The following PLCG2 variants were observed in gnomAD, a reference collection of about 807,000 sequenced individuals.
PLCG2 encodes phospholipase C gamma 2, also known as 1-phosphatidylinositol 4,5-bisphosphate phosphodiesterase gamma-2.
Under a neutral mutation model 175.6 loss-of-function variants are expected in PLCG2, and 69 were observed. The observed-to-expected ratio is 0.39, with a 90% CI of 0.32 to 0.48. The LOEUF is 0.48. PLCG2 is among the 20% of genes least tolerant of loss of function. The probability of loss-of-function intolerance (pLI) is 0.91; values close to 1 mark genes in which losing one functional copy is unlikely to be tolerated. For missense variants in PLCG2, 1,798 were observed against 1,650.9 expected, an observed-to-expected ratio of 1.09 and a Z score of -1.54; for synonymous variants, 827 against 624.0, an observed-to-expected ratio of 1.33 and a Z score of -4.85.
At chr16:81,905,596 T>G in intron 15 of PLCG2, 89 bp downstream of exon 15, 1 of 768,172 alleles carries the variant, frequency 1.3e-6, no homozygotes, top group Admixed American at 2.4e-5. Context: ...AGAATACGCC[T>G]GTCTTGTTCC....
At chr16:81,841,410 T>G (rs1393893630) in intron 2 of PLCG2, among the ~76,000 whole-genome samples, 1 of 151,992 alleles carries the variant, frequency 6.6e-6, no homozygotes, top group Non-Finnish European at 1.5e-5. Context: ...CCAGCTAATT[T>G]TTGTATTTTT....
rs112743678 is a variant in PLCG2 at position 81,960,128 on chromosome 16, C to T, written c.*2130C>T. 3,006 of 219,304 alleles carry T rather than the reference C, an allele frequency of 0.014. 103 individuals carry two copies. The highest frequency in any genetic ancestry group is 0.062 in the African/African-American group (2,755 of 44,546). 13.6% of individuals were successfully genotyped at this position (219,304 alleles called of 1,614,324 possible). On this transcript the variant is annotated 3_prime_UTR_variant, in exon 33 of 33. Coordinates refer to ENST00000564138, the MANE Select transcript of PLCG2 (RefSeq NM_002661.5). ...TGTCTCCTTCTCCTGGTGCTACAAC[C>T]GGAATCCACCATGAGAGAGTACTTT...
At chr16:81,865,475 A>T (rs1021078660) in intron 5 of PLCG2, among the ~76,000 whole-genome samples, 1 of 152,136 alleles carries the variant, frequency 6.6e-6, no homozygotes, top group African/African-American at 2.4e-5. Context: ...TTGTAAGGGG[A>T]GGCCTTTGGA....
chr16:81,876,030 TTTTTTTTG>T (rs1362758536), intron 7 of PLCG2, among the ~76,000 whole-genome samples: 36 of 143,576 alleles, frequency 2.5e-4, no homozygotes, highest in Admixed American at 9.0e-4. Flanking sequence ...TTTTTTTTTT[TTTTTTTTG>T]TTTTTGAGAC....
intron 7 of PLCG2, among the ~76,000 whole-genome samples, chr16:81,877,348 T>C (rs974231268): frequency 4.8e-4 from 73 of 152,120 alleles, no homozygotes; most frequent in Non-Finnish European, 2.6e-4. Context: ...CCCAGCTACT[T>C]GGGAGGCTGA....
intron 2 of PLCG2, among the ~76,000 whole-genome samples, chr16:81,804,046 G>A (rs1911882275): frequency 6.6e-6 from 1 of 152,172 alleles, no homozygotes; most frequent in East Asian, 1.9e-4. Flanking sequence ...GTGAACACAT[G>A]TTTCCATTTC....
chr16:81,907,787 C>A lies in PLCG2; in HGVS notation c.1557+13C>A. The A allele has an allele frequency of 6.2e-7, 1 of 1,600,794 alleles. No individual in the cohort carries two copies. Among genetic ancestry groups the A allele is most frequent in the Non-Finnish European group, 8.6e-7 (1 of 1,169,202 alleles). On this transcript the variant is annotated intron_variant, in intron 16 of 32. Coordinates refer to ENST00000564138, the MANE Select transcript of PLCG2 (RefSeq NM_002661.5). ...GGAAGTGCCCCAGGTAGGGGGACAC[C>A]CTAGCCACATAGGGAGGAGGTCCCC...
intron 2 of PLCG2, among the ~76,000 whole-genome samples, chr16:81,849,907 A>G (rs543229412): frequency 3.3e-5 from 5 of 152,362 alleles, no homozygotes; most frequent in South Asian, 2.1e-4. Flanking sequence ...CTGGCAGTCA[A>G]CTGGGTGGGT....
chr16:81,750,318 G>A (rs1296570601), intron 1 of PLCG2, among the ~76,000 whole-genome samples: 1 of 150,902 alleles, frequency 6.6e-6, no homozygotes, highest in Admixed American at 6.7e-5. Flanking sequence ...TACTCAGGAG[G>A]TTGAGACAGA....
rs11548656 is a variant in PLCG2, at chr16:81,883,307, A to G, written c.731A>G (p.His244Arg). ...CCGGATGCCTCTGCTGTTTACCTGC[A>G]TGACTTCCAGAGGTTTCTCATACAT... Reference protein sequence around the residue: ...DRPDASAVYLHDFQRFLIHEQ... With the variant: ...DRPDASAVYLRDFQRFLIHEQ... Residue 244 changes from histidine to arginine, a missense_variant, in exon 9 of 33, where the codon CAT (histidine) becomes CGT (arginine). Physicochemically the swap from His to Arg is conservative, Grantham distance 29. Coordinates refer to ENST00000564138, the MANE Select transcript of PLCG2 (RefSeq NM_002661.5). The G allele has an allele frequency of 0.031, 50,441 of 1,613,968 alleles. 939 individuals carry two copies. Among genetic ancestry groups the G allele is most frequent in the Non-Finnish European group, 0.036 (42,465 of 1,179,870 alleles).
At chr16:81,787,393 A>ATTTTTTTTTTT (rs67160306) in intron 2 of PLCG2, among the ~76,000 whole-genome samples, 14,792 of 93,934 alleles carry the variant, frequency 0.16, 2,326 homozygotes, top group Non-Finnish European at 0.2. Context: ...GGATAATTTA[A>ATTTTTTTTTTT]TTTTTTTTTT....
intron 14 of PLCG2, among the ~76,000 whole-genome samples, chr16:81,902,375 G>A (rs1909187789): frequency 6.6e-6 from 1 of 152,220 alleles, no homozygotes; most frequent in Non-Finnish European, 1.5e-5. Context: ...GAAGTTCAAG[G>A]TCAGGGTGCT....
At chr16:81,778,216 A>T (rs190439718), upstream of PLCG2, among the ~76,000 whole-genome samples, 2 of 152,148 alleles carry the variant, frequency 1.3e-5, no homozygotes, top group African/African-American at 4.8e-5. Flanking sequence ...TGTCGAAAAA[A>T]GAGAAAATTA....
intron 2 of PLCG2, among the ~76,000 whole-genome samples, chr16:81,817,345 G>T (rs1351362214): frequency 6.6e-6 from 1 of 152,226 alleles, no homozygotes; most frequent in South Asian, 2.1e-4. Flanking sequence ...GAATTAGTGC[G>T]TGTGAAGCAC....
At chr16:81,938,082 TG>T (rs1220503539) in intron 28 of PLCG2, among the ~76,000 whole-genome samples, 179 bp downstream of exon 28, 1 of 152,204 alleles carries the variant, frequency 6.6e-6, no homozygotes, top group African/African-American at 2.4e-5. Context: ...GGGGTCGTTC[TG>T]GGAGAAGAGG....
intron 1 of PLCG2, among the ~76,000 whole-genome samples, chr16:81,745,527 G>A (rs1434336965): frequency 6.6e-6 from 1 of 152,152 alleles, no homozygotes; most frequent in Non-Finnish European, 1.5e-5. Context: ...GCCACAGACT[G>A]CAGGCCATAT....
intron 5 of PLCG2, among the ~76,000 whole-genome samples, chr16:81,863,276 C>T (rs961095980): frequency 1.3e-5 from 2 of 152,206 alleles, no homozygotes; most frequent in African/African-American, 4.8e-5. Flanking sequence ...CTCCAGGTAC[C>T]TCATATAAGT....
At chr16:81,804,822 G>A (rs751959648) in intron 2 of PLCG2, among the ~76,000 whole-genome samples, 6 of 152,242 alleles carry the variant, frequency 3.9e-5, no homozygotes, top group Non-Finnish European at 5.9e-5. Flanking sequence ...TCATTGGGAA[G>A]TGCTGCTGGC....
chr16:81,785,752 C>T, intron 1 of PLCG2, 191 bp from the exon 2 acceptor site: 7 of 446,728 alleles, frequency 1.6e-5, no homozygotes, highest in Non-Finnish European at 2.8e-5. Flanking sequence ...TCTCACACTT[C>T]AGTTTCCATT....
Sources: allele counts gnomAD v4.1 joint callset (sites outside exome capture counted in the v4.1 genomes callset), GRCh38; gene constraint gnomAD v4.1.1; transcripts MANE v1.5; gene names NCBI Gene and HGNC (gene_info 2026-07-23, HGNC 2026-07-21).